Variants in TMEM45B observed in about 807,000 individuals in gnomAD.
TMEM45B encodes transmembrane protein 45B.
In TMEM45B, 29 loss-of-function variants were observed where a neutral mutation model predicts 27.3. The observed-to-expected ratio is 1.06, with a 90% CI of 0.79 to 1.45. The LOEUF (loss-of-function observed/expected upper bound fraction) is 1.45, where lower values mean the gene tolerates loss of function less well. Ranked by LOEUF, TMEM45B falls within the 40% of genes most tolerant of loss-of-function variation. TMEM45B has a pLI of 0.00. For synonymous variants in TMEM45B, 143 were observed against 134.7 expected (o/e 1.06, Z -0.43); for missense variants, 348 against 343.9 (o/e 1.01, Z -0.09).
intron 4 of TMEM45B, 87 bp from the exon 5 acceptor site, chr11:129,857,226 G>A: frequency 1.3e-6 from 2 of 1,494,902 alleles, no homozygotes; most frequent in Non-Finnish European, 1.8e-6. Flanking sequence ...GGTCACACAT[G>A]GGCCACTTCG....
intron 1 of TMEM45B, among the ~76,000 whole-genome samples, chr11:129,831,000 T>G (rs1211910308): frequency 4.6e-5 from 7 of 152,208 alleles, no homozygotes; most frequent in Admixed American, 1.3e-4. Context: ...CAGTGGATGC[T>G]AAAACCATGG....
intron 1 of TMEM45B, among the ~76,000 whole-genome samples, chr11:129,837,252 A>G (rs1295021893): frequency 1.3e-5 from 2 of 151,544 alleles, no homozygotes; most frequent in South Asian, 2.1e-4. Context: ...GGGCTGGGGA[A>G]GGAGAAGACT....
At chr11:129,854,554 C>T (rs1450094243) in intron 2 of TMEM45B, 56 bp from the exon 3 acceptor site, 5 of 1,567,362 alleles carry the variant, frequency 3.2e-6, no homozygotes, top group African/African-American at 1.4e-5. Flanking sequence ...TTCCTTGCTC[C>T]TATTTGTCTT....
intron 1 of TMEM45B, among the ~76,000 whole-genome samples, chr11:129,840,203 A>T (rs1947672574): frequency 6.6e-6 from 1 of 152,230 alleles, no homozygotes; most frequent in Non-Finnish European, 1.5e-5. Context: ...AATATAGCCC[A>T]TCCCCATCAA....
At chr11:129,833,590 C>T (rs1947580439) in intron 1 of TMEM45B, among the ~76,000 whole-genome samples, 1 of 152,098 alleles carries the variant, frequency 6.6e-6, no homozygotes. Context: ...GCCTGGCCAA[C>T]ATGGTGAAAC....
In TMEM45B at chr11:129,859,422, C is replaced by T. The variant is rs948101073; in HGVS notation, c.*737C>T. ...AAAGCTGTATAATGAGATAGAAAAA[C>T]GTCAGGTATGGAAGGCTTTCAGTTT... On this transcript the variant is annotated 3_prime_UTR_variant, in exon 6 of 6. Coordinates refer to ENST00000281441, the MANE Select transcript of TMEM45B (RefSeq NM_138788.5). 6.6e-6 allele frequency: 1 copy of T among 152,066 alleles called. No individual in the cohort carries two copies. The highest frequency in any genetic ancestry group is 1.9e-4 in the East Asian group (1 of 5,194). The allele number at this position is 152,066 out of a possible 1,614,324, so 9.4% of individuals were successfully genotyped here. A position where few individuals can be genotyped will look rare whatever the true frequency, so the allele number is the denominator to read the frequency against.
Position 129,817,362 on chromosome 11 carries a change from G to C in TMEM45B, c.-9+1464G>C, listed in dbSNP as rs1311083529. Among the ~76,000 whole-genome samples, 10 of 152,286 alleles carry C rather than the reference G, an allele frequency of 6.6e-5. No homozygotes were observed. The East Asian group carries it at 1.9e-3, about 29-fold the overall frequency. ...GTCAGACTTAGCTCTTTGTGACAGT[G>C]AGCTTCTTGGTTTAATAAGGATATT... On this transcript the variant is annotated intron_variant, in intron 1 of 5. Coordinates refer to ENST00000281441, the MANE Select transcript of TMEM45B (RefSeq NM_138788.5).
At chr11:129,819,582 CTT>C (rs1161212163) in intron 1 of TMEM45B, among the ~76,000 whole-genome samples, 1 of 151,758 alleles carries the variant, frequency 6.6e-6, no homozygotes, top group Non-Finnish European at 1.5e-5. Context: ...TGTCTCATCT[CTT>C]TCTTTCTTTT....
At position 129,852,646 on chromosome 11, in the gene TMEM45B, T is replaced by C. The variant is rs1371089728; in HGVS notation, c.164T>C (p.Leu55Ser). ...LEIVEAAIRT[L>S]FSVTGILAEQ... The stretch of plus-strand genomic sequence containing the variant: ...ATCGTCGAAGCCGCAATTAGGACTT[T>C]GTTTTCCGTCACTGGTAAGAGCAGG... Residue 55 changes from leucine (L) to serine (S), a missense_variant, in exon 2 of 6, where the codon TTG becomes TCG. Coordinates refer to ENST00000281441, the MANE Select transcript of TMEM45B (RefSeq NM_138788.5). 2 of 1,606,082 alleles carry C rather than the reference T, an allele frequency of 1.2e-6. No homozygotes were observed. Among genetic ancestry groups the C allele is most frequent in the African/African-American group, 1.3e-5 (1 of 74,956 alleles).
chr11:129,855,717 TCTACTA>T lies in TMEM45B; in HGVS notation c.397_402del (p.Tyr133_Tyr134del), dbSNP rs1947912341. On this transcript the variant is annotated inframe_deletion, in exon 4 of 6. Transcript: ENST00000281441. ...ATCTGGTTTGTGGCAGGTTTCCTCT[TCTACTA>T]CCACGTCCACAACCGGCCTCCGCTG... 1 of 1,613,962 alleles carries T rather than the reference TCTACTA, an allele frequency of 6.2e-7. No homozygotes were observed. The highest frequency in any genetic ancestry group is 1.3e-5 in the African/African-American group (1 of 74,910).
intron 1 of TMEM45B, among the ~76,000 whole-genome samples, chr11:129,831,551 G>A (rs1565365168): frequency 6.6e-6 from 1 of 152,190 alleles, no homozygotes; most frequent in African/African-American, 2.4e-5. Context: ...CGATGTAATG[G>A]TTTTGGACCA....
intron 1 of TMEM45B, among the ~76,000 whole-genome samples, chr11:129,840,432 A>C (rs1428291301): frequency 4.6e-5 from 7 of 152,204 alleles, no homozygotes; most frequent in Non-Finnish European, 1.0e-4. Flanking sequence ...GGAGGAGGGA[A>C]GCCGGTTAGT....
chr11:129,855,903 A>C lies in TMEM45B; in HGVS notation c.570+11A>C. The C allele has an allele frequency of 6.2e-7, 1 of 1,613,672 alleles. No homozygotes were observed. Among genetic ancestry groups the C allele is most frequent in the Non-Finnish European group, 8.5e-7 (1 of 1,179,802 alleles). Reference sequence around the variant, plus strand: ...ACCTGGTTCTGGCAGGTGATTTTCCACACCCAGGCCCCTCGCTGGTCTGGA... The same window carrying C: ...ACCTGGTTCTGGCAGGTGATTTTCCCCACCCAGGCCCCTCGCTGGTCTGGA... On this transcript the variant is annotated intron_variant, in intron 4 of 5. Transcript: ENST00000281441.
chr11:129,849,131 ATCTAAG>A (rs2135594143), intron 1 of TMEM45B, among the ~76,000 whole-genome samples: 1 of 152,338 alleles, frequency 6.6e-6, no homozygotes, highest in Admixed American at 6.5e-5. Flanking sequence ...GAACTTTAAA[ATCTAAG>A]TCCAGAATCT....
chr11:129,837,533 C>T (rs1425303145), intron 1 of TMEM45B, among the ~76,000 whole-genome samples: 5 of 148,812 alleles, frequency 3.4e-5, no homozygotes, highest in South Asian at 2.1e-4. Context: ...GCAATCTGCC[C>T]GCCTCGGCCT....
intron 1 of TMEM45B, among the ~76,000 whole-genome samples, chr11:129,843,968 C>A (rs983778030): frequency 6.6e-6 from 1 of 152,152 alleles, no homozygotes; most frequent in Non-Finnish European, 1.5e-5. Flanking sequence ...CAAATAAACT[C>A]CCTATCTTGA....
chr11:129,846,195 C>T (rs562897499), intron 1 of TMEM45B, among the ~76,000 whole-genome samples: 7 of 152,244 alleles, frequency 4.6e-5, no homozygotes, highest in South Asian at 2.1e-4. Context: ...AGGCCAGGTG[C>T]GGTGGCTCAC....
chr11:129,858,568 T>C lies in TMEM45B; in HGVS notation c.717-6T>C. 6.4e-7 allele frequency: 1 copy of C among 1,574,796 alleles called. No individual in the cohort carries two copies. The highest frequency in any genetic ancestry group is 8.6e-7 in the Non-Finnish European group (1 of 1,158,160). The stretch of plus-strand genomic sequence containing the variant: ...CTAATTGGCTCTTACTCTTTCTCTA[T>C]TAAAGCCTTTTGACTCGGATGAAGA... On this transcript the variant is annotated splice_polypyrimidine_tract_variant and splice_region_variant and intron_variant, in intron 5 of 5. Coordinates refer to ENST00000281441, the MANE Select transcript of TMEM45B (RefSeq NM_138788.5).
rs770225696 is a variant in TMEM45B, at chr11:129,854,600, T to C, written c.179-10T>C. On this transcript the variant is annotated splice_polypyrimidine_tract_variant and intron_variant, in intron 2 of 5. Transcript: ENST00000281441. ...TTCCCTCTAAAACATCCATCCTCAT[T>C]TCCCTGCAGGGATCCTGGCAGAGCA... The C allele has an allele frequency of 1.2e-5, 20 of 1,613,752 alleles. No individual in the cohort carries two copies. Among genetic ancestry groups the C allele is most frequent in the Non-Finnish European group, 1.7e-5 (20 of 1,179,814 alleles).
Sources: gnomAD v4.1 joint callset for allele counts (sites outside exome capture counted in the v4.1 genomes callset) on GRCh38, gnomAD v4.1.1 for gene constraint, MANE v1.5 for transcripts, NCBI Gene and HGNC (gene_info 2026-07-23, HGNC 2026-07-21) for gene names.